The following RAB6B variants were observed in gnomAD, a reference collection of about 807,000 sequenced individuals.
The protein encoded by RAB6B is RAB6B, member RAS oncogene family, also known as ras-related protein Rab-6B.
In RAB6B, 7 loss-of-function variants were observed where a neutral mutation model predicts 31.2. That is an observed-to-expected ratio of 0.22 (90% CI 0.13 to 0.42). The LOEUF is 0.42. RAB6B is among the 10% of genes least tolerant of loss of function. RAB6B has a pLI of 1.00. For missense variants in RAB6B, 149 were observed against 280.6 expected, an observed-to-expected ratio of 0.53 and a Z score of 3.35; for synonymous variants, 105 against 104.9, an observed-to-expected ratio of 1.00 and a Z score of -0.01.
chr3:133,882,169 C>G (rs1335287216), intron 1 of RAB6B, among the ~76,000 whole-genome samples: 1 of 152,208 alleles, frequency 6.6e-6, no homozygotes, highest in African/African-American at 2.4e-5. Flanking sequence ...ACCCACATCC[C>G]TTGCCACGTG....
chr3:133,884,047 C>T (rs999189084), intron 1 of RAB6B, among the ~76,000 whole-genome samples: 5 of 131,174 alleles, frequency 3.8e-5, no homozygotes, highest in African/African-American at 1.7e-4. Context: ...GGCAGCTCTC[C>T]TTACCCACCC....
chr3:133,884,241 C>A (rs1936507629), intron 1 of RAB6B, among the ~76,000 whole-genome samples: 1 of 152,240 alleles, frequency 6.6e-6, no homozygotes, highest in Non-Finnish European at 1.5e-5. Context: ...GGGCAGGGAG[C>A]AAAAGTCATC....
intron 1 of RAB6B, among the ~76,000 whole-genome samples, chr3:133,884,267 G>A (rs1458961458): frequency 1.8e-4 from 27 of 152,236 alleles, no homozygotes; most frequent in Admixed American, 1.7e-3. Flanking sequence ...TTTAGAGGGT[G>A]GGGTTTCAAA....
At chr3:133,884,078 G>A (rs1231092885) in intron 1 of RAB6B, among the ~76,000 whole-genome samples, 1 of 152,158 alleles carries the variant, frequency 6.6e-6, no homozygotes, top group Admixed American at 6.5e-5. Context: ...ACCTGGCACT[G>A]CTCAAAGAGG....
chr3:133,882,783 T>C (rs1485748210), intron 1 of RAB6B, among the ~76,000 whole-genome samples: 2 of 152,072 alleles, frequency 1.3e-5, no homozygotes, highest in African/African-American at 4.8e-5. Flanking sequence ...AGGAGCTGAG[T>C]TCTTCTGGCC....
At chr3:133,892,043 C>G (rs1233682091) in intron 1 of RAB6B, among the ~76,000 whole-genome samples, 1 of 152,194 alleles carries the variant, frequency 6.6e-6, no homozygotes, top group African/African-American at 2.4e-5. Context: ...TAAAAGCCGA[C>G]AGAATGCCAT....
intron 1 of RAB6B, among the ~76,000 whole-genome samples, chr3:133,865,542 C>G (rs940375834): frequency 2.0e-5 from 3 of 152,238 alleles, no homozygotes; most frequent in African/African-American, 7.2e-5. Flanking sequence ...GGGCCCTGCA[C>G]GGATGCCTGT....
intron 2 of RAB6B, among the ~76,000 whole-genome samples, chr3:133,856,807 T>C (rs1936085235): frequency 6.6e-6 from 1 of 152,208 alleles, no homozygotes; most frequent in Non-Finnish European, 1.5e-5. Flanking sequence ...CCTGGATGAC[T>C]TGCAGTGCCC....
chr3:133,851,642 G>A (rs368642751), intron 2 of RAB6B, among the ~76,000 whole-genome samples: 2 of 152,186 alleles, frequency 1.3e-5, no homozygotes, highest in Non-Finnish European at 2.9e-5. Flanking sequence ...TAGAGAGGCT[G>A]GGTGACTAAG....
intron 1 of RAB6B, among the ~76,000 whole-genome samples, chr3:133,885,194 C>T (rs142065554): frequency 6.0e-4 from 89 of 147,178 alleles, no homozygotes; most frequent in Middle Eastern, 8.4e-3. Context: ...GGGGCTCACA[C>T]ATCCAACAGC....
chr3:133,876,004 A>G (rs1425232859), intron 1 of RAB6B, among the ~76,000 whole-genome samples: 3 of 152,222 alleles, frequency 2.0e-5, no homozygotes, highest in South Asian at 2.1e-4. Flanking sequence ...AAACGTAATT[A>G]TTTAAAATAG....
chr3:133,854,455 C>T lies in RAB6B; in HGVS notation c.129+10129G>A, dbSNP rs1936046823. Among the ~76,000 whole-genome samples, 4 of 152,342 alleles carry T rather than the reference C, an allele frequency of 2.6e-5. 1 individual carries two copies. In the South Asian group the frequency reaches 8.3e-4, roughly 32 times the overall value. Reference sequence around the variant, plus strand: ...CAGCCAGTCCACGATCCCTATGACCCTCCTCTCCCTCCTCGGCTGTGCTGG... The same window carrying T: ...CAGCCAGTCCACGATCCCTATGACCTTCCTCTCCCTCCTCGGCTGTGCTGG... On this transcript the variant is annotated intron_variant, in intron 2 of 7. Coordinates refer to ENST00000285208, the MANE Select transcript of RAB6B (RefSeq NM_016577.4).
rs143947737 is a variant in RAB6B, at chr3:133,861,839, G to C, written c.129+2745C>G. ...CAATCAAGGCAAGACAGCTCTGCCAGGTTGTACTGCTGGAAGGATGTCTGA... is the reference window on the plus strand; with the variant it reads ...CAATCAAGGCAAGACAGCTCTGCCACGTTGTACTGCTGGAAGGATGTCTGA... On this transcript the variant is annotated intron_variant, in intron 2 of 7. Coordinates refer to ENST00000285208, the MANE Select transcript of RAB6B (RefSeq NM_016577.4). 1.7e-4 allele frequency among the ~76,000 whole-genome samples: 26 copies of C among 152,310 alleles called. 1 individual carries two copies. In the East Asian group the frequency reaches 4.8e-3, roughly 28 times the overall value.
At chr3:133,838,091 T>C in intron 6 of RAB6B, 75 bp downstream of exon 6, 1 of 1,467,890 alleles carries the variant, frequency 6.8e-7, no homozygotes, top group South Asian at 1.1e-5. Flanking sequence ...GCAAGGCAGC[T>C]CTGAGCCTGC....
At chr3:133,830,796 AAACT>A (rs1457950367) in intron 7 of RAB6B, among the ~76,000 whole-genome samples, 1 of 152,168 alleles carries the variant, frequency 6.6e-6, no homozygotes, top group Non-Finnish European at 1.5e-5. Context: ...TGGGCTTCTC[AAACT>A]CAACACTACT....
At chr3:133,869,126 T>A (rs1936282006) in intron 1 of RAB6B, among the ~76,000 whole-genome samples, 1 of 151,944 alleles carries the variant, frequency 6.6e-6, no homozygotes, top group Admixed American at 6.5e-5. Flanking sequence ...TGAAGGGGAA[T>A]TCCAGACAGA....
chr3:133,838,249 T>C lies in RAB6B; in HGVS notation c.412A>G (p.Ile138Val). The change falls in exon 6 of 8, where the codon ATC becomes GTC. Residue 138 changes from isoleucine to valine, a missense_variant. Transcript: ENST00000285208. ...TTGGCGCGCTGCTCCCCCTCCTCGATGGTTATCTGCCTAGAGATGAGGGGA... is the reference window on the plus strand; with the variant it reads ...TTGGCGCGCTGCTCCCCCTCCTCGACGGTTATCTGCCTAGAGATGAGGGGA... ...TDLADKRQIT[I>V]EEGEQRAKEL... The C allele has an allele frequency of 6.2e-7, 1 of 1,613,868 alleles. No homozygotes were observed. Among genetic ancestry groups the C allele is most frequent in the Admixed American group, 1.7e-5 (1 of 60,018 alleles).
chr3:133,859,020 C>G (rs1482065430), intron 2 of RAB6B, among the ~76,000 whole-genome samples: 1 of 152,058 alleles, frequency 6.6e-6, no homozygotes, highest in Admixed American at 6.6e-5. Context: ...GCTCTGTGAC[C>G]CAGGCTGGAG....
Position 133,828,198 on chromosome 3 carries a change from A to G in RAB6B, c.*590T>C, listed in dbSNP as rs573317973. ...GACGACCCACTCTGGCCATGGAAAGACAAGAGTCAGAGCTACCTTTTCAGA... is the reference window on the plus strand; with the variant it reads ...GACGACCCACTCTGGCCATGGAAAGGCAAGAGTCAGAGCTACCTTTTCAGA... On this transcript the variant is annotated 3_prime_UTR_variant, in exon 8 of 8. Transcript: ENST00000285208. 3 of 577,834 alleles carry G rather than the reference A, an allele frequency of 5.2e-6. No individual in the cohort carries two copies. The African/African-American group carries it at 5.6e-5, about 11-fold the overall frequency. The allele number at this position is 577,834 out of a possible 1,614,324, so 35.8% of individuals were successfully genotyped here.
Sources: gnomAD v4.1 joint callset for allele counts (sites outside exome capture counted in the v4.1 genomes callset) on GRCh38, gnomAD v4.1.1 for gene constraint, MANE v1.5 for transcripts, NCBI Gene and HGNC (gene_info 2026-07-23, HGNC 2026-07-21) for gene names.